Variants in CHIA observed in about 807,000 individuals in gnomAD.
The protein encoded by CHIA is acidic mammalian chitinase.
CHIA carries 47 observed loss-of-function variants against 53.5 expected under a neutral mutation model. The ratio of observed to expected loss-of-function variants is 0.88; its 90% CI spans 0.70 to 1.12. The LOEUF is 1.12. CHIA is among the 50% of genes most tolerant of loss of function. CHIA has a pLI of 0.00. For missense variants in CHIA, 652 were observed against 592.2 expected, an observed-to-expected ratio of 1.10 and a Z score of -1.05; for synonymous variants, 268 against 222.2, an observed-to-expected ratio of 1.21 and a Z score of -1.83.
intron 1 of CHIA, among the ~76,000 whole-genome samples, chr1:111,292,862 CT>C (rs1661110406): frequency 6.6e-6 from 1 of 152,120 alleles, no homozygotes; most frequent in South Asian, 2.1e-4. Context: ...TTTGGACTGG[CT>C]TTTTTCATTG....
chr1:111,311,676 TC>T lies in CHIA; in HGVS notation c.26-12del. On this transcript the variant is annotated splice_polypyrimidine_tract_variant and intron_variant, in intron 2 of 11. Transcript: ENST00000369740. ...CAATCGGTTCAAAGTACATGCTTTT[TC>T]TTTCTATCCAGGTCTTGTCCTTATA... is the stretch of plus-strand genomic sequence containing the variant. 1 of 1,614,066 alleles carries T rather than the reference TC, an allele frequency of 6.2e-7. No individual in the cohort carries two copies.
intron 1 of CHIA, among the ~76,000 whole-genome samples, chr1:111,309,873 T>C (rs1380620443): frequency 6.6e-6 from 1 of 152,160 alleles, no homozygotes; most frequent in Non-Finnish European, 1.5e-5. Context: ...ATAGGGGACA[T>C]TTTGAGATCC....
chr1:111,293,790 A>T (rs995619477), intron 1 of CHIA, among the ~76,000 whole-genome samples: 1 of 152,202 alleles, frequency 6.6e-6, no homozygotes, highest in Non-Finnish European at 1.5e-5. Context: ...GCCCAAAAAC[A>T]TCAATGGGGC....
At chr1:111,315,789 T>G in intron 6 of CHIA, 1 of 459,988 alleles carries the variant, frequency 2.2e-6, no homozygotes. Context: ...ATCACACAAC[T>G]AGTAGGAATC....
intron 11 of CHIA, among the ~76,000 whole-genome samples, chr1:111,319,987 A>G (rs1649527252): frequency 6.6e-6 from 1 of 152,148 alleles, no homozygotes; most frequent in African/African-American, 2.4e-5. Flanking sequence ...TTTAGATGTT[A>G]TAAGGAAAGA....
intron 1 of CHIA, among the ~76,000 whole-genome samples, chr1:111,298,495 C>T (rs1449121714): frequency 6.6e-6 from 1 of 152,176 alleles, no homozygotes. Context: ...TGAATGACTA[C>T]TGGGTAAATA....
In CHIA at chr1:111,319,373, C is replaced by T. The variant is rs373985805; in HGVS notation, c.1082C>T (p.Ala361Val). 1.2e-5 allele frequency: 19 copies of T among 1,614,054 alleles called. No homozygotes were observed. In the East Asian group the frequency reaches 1.3e-4, roughly 11 times the overall value. Residue 361 changes from alanine to valine, a missense_variant, in exon 11 of 12, where the codon GCC (alanine) becomes GTC (valine). Coordinates refer to ENST00000369740, the MANE Select transcript of CHIA (RefSeq NM_201653.4). ...AAATTTGGAGGCGCCATGGTCTGGG[C>T]CATTGATCTGGATGACTTCACTGGC... ...HNKFGGAMVWAIDLDDFTGTF... is the reference protein window; with the variant it reads ...HNKFGGAMVWVIDLDDFTGTF...
chr1:111,318,352 T>G, intron 8 of CHIA, 141 bp from the exon 9 acceptor site: 1 of 868,530 alleles, frequency 1.2e-6, no homozygotes, highest in South Asian at 1.9e-5. Context: ...AACTACAACT[T>G]CACCAAAATG....
chr1:111,308,267 G>A (rs111295647), intron 1 of CHIA, among the ~76,000 whole-genome samples: 3,354 of 152,258 alleles, frequency 0.022, 112 homozygotes, highest in African/African-American at 0.074. Context: ...ACACCCTATA[G>A]TCCTGAATAC....
At chr1:111,314,243 G>A (rs960111981) in intron 4 of CHIA, among the ~76,000 whole-genome samples, 3 of 152,142 alleles carry the variant, frequency 2.0e-5, no homozygotes, top group South Asian at 2.1e-4. Context: ...TGATAGAATA[G>A]AATATTATAT....
Position 111,318,030 on chromosome 1 carries a change from C to T in CHIA, c.650C>T (p.Ser217Phe). The T allele has an allele frequency of 1.2e-6, 2 of 1,614,164 alleles. No individual in the cohort carries two copies. The highest frequency in any genetic ancestry group is 1.7e-6 in the Non-Finnish European group (2 of 1,180,018). ...IHVMTYDLHG[S>F]WEGYTGENSP... is the part of the protein sequence containing the mutation. ...GTCATGACCTACGACCTCCATGGCT[C>T]CTGGGAGGGCTACACTGGAGAGAAC... The change falls in exon 8 of 12, where the codon TCC becomes TTC. Residue 217 changes from serine to phenylalanine, a missense_variant. Physicochemically the swap from Ser to Phe is radical, Grantham distance 155 (BLOSUM62 -2). Transcript: ENST00000369740.
At chr1:111,300,104 A>T (rs1470336726) in intron 1 of CHIA, among the ~76,000 whole-genome samples, 1 of 152,186 alleles carries the variant, frequency 6.6e-6, no homozygotes, top group African/African-American at 2.4e-5. Context: ...ATGGAAGAAC[A>T]TTCCATGCTC....
At chr1:111,320,040 A>G (rs1167366241) in intron 11 of CHIA, among the ~76,000 whole-genome samples, 173 bp from the exon 12 acceptor site, 4 of 152,150 alleles carry the variant, frequency 2.6e-5, no homozygotes, top group African/African-American at 9.7e-5. Context: ...GCTTGACACA[A>G]TAGCTTTATT....
chr1:111,298,352 C>T (rs1303579705), intron 1 of CHIA, among the ~76,000 whole-genome samples: 1 of 152,184 alleles, frequency 6.6e-6, no homozygotes, highest in Non-Finnish European at 1.5e-5. Flanking sequence ...AAGAAAAGCA[C>T]TCCTCAGCAA....
rs1185160537 is a variant in CHIA at position 111,315,439 on chromosome 1, GGGAA to G, written c.480+10_480+13del. ...TCTCTTCACTGTCCTGGTGCAGGTG[GGGAA>G]GGAAGTCCCAGTCTTTAGCCCAAAA... On this transcript the variant is annotated splice_donor_5th_base_variant and intron_variant, in intron 6 of 11. Transcript: ENST00000369740. 6.2e-7 allele frequency: 1 copy of G among 1,610,944 alleles called. No homozygotes were observed. Among genetic ancestry groups the G allele is most frequent in the East Asian group, 2.2e-5 (1 of 44,814 alleles).
intron 2 of CHIA, among the ~76,000 whole-genome samples, chr1:111,310,732 G>A (rs1351988780): frequency 6.6e-6 from 1 of 152,158 alleles, no homozygotes; most frequent in Non-Finnish European, 1.5e-5. Context: ...GGTCCTAAAG[G>A]AAAAGCATAC....
chr1:111,310,324 G>T, intron 1 of CHIA, 76 bp from the exon 2 acceptor site: 6 of 1,482,218 alleles, frequency 4.0e-6, no homozygotes, highest in Non-Finnish European at 5.4e-6. Context: ...TCTTGGGAGG[G>T]TGTTTGTAGA....
At chr1:111,315,644 T>C in intron 6 of CHIA, 1 of 599,044 alleles carries the variant, frequency 1.7e-6, no homozygotes, top group Non-Finnish European at 3.0e-6. Context: ...GGCACTGCTC[T>C]ACATGTTGTT....
chr1:111,320,144 T>A, intron 11 of CHIA, 69 bp from the exon 12 acceptor site: 1 of 1,461,264 alleles, frequency 6.8e-7, no homozygotes, highest in East Asian at 2.3e-5. Context: ...CACAGTTCTC[T>A]TCACCTCTAG....
Sources: gnomAD v4.1 joint callset for allele counts (sites outside exome capture counted in the v4.1 genomes callset) on GRCh38, gnomAD v4.1.1 for gene constraint, MANE v1.5 for transcripts, NCBI Gene and HGNC (gene_info 2026-07-23, HGNC 2026-07-21) for gene names.